Variants in MAGI3 observed in about 807,000 individuals in gnomAD.
MAGI3 encodes the protein membrane associated guanylate kinase, WW and PDZ domain containing 3, also known as membrane-associated guanylate kinase, WW and PDZ domain-containing protein 3.
Under a neutral mutation model 121.8 loss-of-function variants are expected in MAGI3, and 43 were observed. The ratio of observed to expected loss-of-function variants is 0.35; its 90% CI spans 0.28 to 0.46. The LOEUF (loss-of-function observed/expected upper bound fraction) is 0.46. MAGI3 is among the 20% of genes least tolerant of loss of function. MAGI3 has a pLI of 1.00. For synonymous variants in MAGI3, 553 were observed against 639.3 expected, an observed-to-expected ratio of 0.86 and a Z score of 2.04; for missense variants, 1,547 against 1,797.3, an observed-to-expected ratio of 0.86 and a Z score of 2.52.
rs1169539089 is a variant in MAGI3 at position 113,471,373 on chromosome 1, A to G, written c.317-78142A>G. ...TTAAACAACATACTCCTGAACAACCAGTGGGTCAATGGAGAAATCAAAATG... is the reference window on the plus strand; with the variant it reads ...TTAAACAACATACTCCTGAACAACCGGTGGGTCAATGGAGAAATCAAAATG... On this transcript the variant is annotated intron_variant, in intron 1 of 20. Coordinates refer to ENST00000307546, the MANE Select transcript of MAGI3 (RefSeq NM_001142782.2). 3.9e-5 allele frequency among the ~76,000 whole-genome samples: 6 copies of G among 152,346 alleles called. No individual in the cohort carries two copies. The East Asian group carries it at 1.2e-3, about 29-fold the overall frequency.
intron 1 of MAGI3, among the ~76,000 whole-genome samples, chr1:113,461,550 T>C (rs1655037283): frequency 1.3e-5 from 2 of 152,222 alleles, no homozygotes; most frequent in Non-Finnish European, 2.9e-5. Context: ...GATCCCTTCC[T>C]TGCACCATAT....
intron 1 of MAGI3, among the ~76,000 whole-genome samples, chr1:113,523,303 C>G (rs1232249520): frequency 6.6e-6 from 1 of 152,166 alleles, no homozygotes; most frequent in Non-Finnish European, 1.5e-5. Context: ...GATTGGGGCA[C>G]TGCTGAAAAG....
At chr1:113,582,433 T>C (rs1226071573) in intron 3 of MAGI3, among the ~76,000 whole-genome samples, 1 of 150,978 alleles carries the variant, frequency 6.6e-6, no homozygotes, top group East Asian at 1.9e-4. Flanking sequence ...AATGGACTGC[T>C]ATACAGCAGT....
intron 3 of MAGI3, among the ~76,000 whole-genome samples, chr1:113,584,207 A>T (rs982569524): frequency 6.6e-6 from 1 of 152,176 alleles, no homozygotes; most frequent in African/African-American, 2.4e-5. Flanking sequence ...AATCATATAT[A>T]TATTTCTCTA....
At chr1:113,464,301 C>T (rs775489619) in intron 1 of MAGI3, among the ~76,000 whole-genome samples, 3 of 152,094 alleles carry the variant, frequency 2.0e-5, no homozygotes, top group African/African-American at 7.2e-5. Flanking sequence ...CCTCCCGTTT[C>T]ATCCACATTG....
chr1:113,681,184 T>C lies in MAGI3; in HGVS notation c.3190-14T>C, dbSNP rs755592185. The C allele has an allele frequency of 3.1e-6, 5 of 1,609,200 alleles. No homozygotes were observed. In the African/African-American group the frequency reaches 5.4e-5, roughly 17 times the overall value. On this transcript the variant is annotated splice_polypyrimidine_tract_variant and intron_variant, in intron 19 of 20. Coordinates refer to ENST00000307546, the MANE Select transcript of MAGI3 (RefSeq NM_001142782.2). ...CATAGTTTCATGTTGTTCCTGTGAATGTTCTCTGTCTAGGTTGGTGACCAG... is the reference window on the plus strand; with the variant it reads ...CATAGTTTCATGTTGTTCCTGTGAACGTTCTCTGTCTAGGTTGGTGACCAG...
At chr1:113,611,244 G>A (rs1469451070) in intron 6 of MAGI3, among the ~76,000 whole-genome samples, 3 of 151,618 alleles carry the variant, frequency 2.0e-5, no homozygotes, top group Admixed American at 6.6e-5. Flanking sequence ...CTACCACCAC[G>A]CCCAGCTAAT....
At chr1:113,474,588 A>G (rs1392750472) in intron 1 of MAGI3, among the ~76,000 whole-genome samples, 1 of 151,950 alleles carries the variant, frequency 6.6e-6, no homozygotes, top group Non-Finnish European at 1.5e-5. Flanking sequence ...GTGTGGTGTT[A>G]TTTCTGAGGG....
chr1:113,643,461 C>G (rs986074193), intron 10 of MAGI3, among the ~76,000 whole-genome samples: 2 of 152,178 alleles, frequency 1.3e-5, no homozygotes, highest in Non-Finnish European at 2.9e-5. Flanking sequence ...CAATGTCACA[C>G]AGGTTTGATG....
intron 1 of MAGI3, chr1:113,450,318 C>T: frequency 6.6e-7 from 1 of 1,515,210 alleles, no homozygotes; most frequent in Non-Finnish European, 9.2e-7. Context: ...GCGGAGGAAA[C>T]TTTGGAGGTG....
At chr1:113,517,409 A>G (rs1397689713) in intron 1 of MAGI3, among the ~76,000 whole-genome samples, 1 of 151,850 alleles carries the variant, frequency 6.6e-6, no homozygotes, top group Admixed American at 6.6e-5. Context: ...GAAAATCACC[A>G]TTATAGTTAA....
Position 113,648,665 on chromosome 1 carries a change from A to T in MAGI3, c.2156-572A>T, listed in dbSNP as rs191212202. Among the ~76,000 whole-genome samples, 33 of 152,268 alleles carry T rather than the reference A, an allele frequency of 2.2e-4. No individual in the cohort carries two copies. The East Asian group carries it at 5.0e-3, about 23-fold the overall frequency. On this transcript the variant is annotated intron_variant, in intron 12 of 20. Coordinates refer to ENST00000307546, the MANE Select transcript of MAGI3 (RefSeq NM_001142782.2). Reference sequence around the variant, plus strand: ...CAATGGCCAACTTACTTACACCCTCAGTTTTCCCACCTAGAAAATGGGGCT... The same window carrying T: ...CAATGGCCAACTTACTTACACCCTCTGTTTTCCCACCTAGAAAATGGGGCT...
intron 8 of MAGI3, among the ~76,000 whole-genome samples, chr1:113,621,150 A>G (rs935914043): frequency 4.6e-5 from 7 of 152,200 alleles, no homozygotes; most frequent in African/African-American, 1.7e-4. Flanking sequence ...TAAAGGAGCA[A>G]GAAAGCATAC....
In MAGI3 at chr1:113,479,210, A is replaced by AGGT. The variant is rs547912464; in HGVS notation, c.317-70303_317-70301dup. Among the ~76,000 whole-genome samples, 337 of 152,300 alleles carry AGGT rather than the reference A, an allele frequency of 2.2e-3. 1 individual carries two copies. Among genetic ancestry groups the AGGT allele is most frequent in the Non-Finnish European group, 3.2e-3 (218 of 68,026 alleles). ...CCTGATCCCTTGCGCTTCCCAGGTG[A>AGGT]GGTGACGTCTCGCCCTCCTTTGGCT... On this transcript the variant is annotated intron_variant, in intron 1 of 20. Transcript: ENST00000307546.
chr1:113,565,974 G>A (rs1660420910), intron 2 of MAGI3, among the ~76,000 whole-genome samples: 1 of 152,048 alleles, frequency 6.6e-6, no homozygotes, highest in African/African-American at 2.4e-5. Context: ...ATGTCTCTAT[G>A]TCAAATTATT....
intron 6 of MAGI3, among the ~76,000 whole-genome samples, chr1:113,607,649 A>G (rs1649861181): frequency 6.6e-6 from 1 of 152,144 alleles, no homozygotes; most frequent in South Asian, 2.1e-4. Context: ...CTATTTTTGT[A>G]TATGTTTTAT....
At chr1:113,671,704 C>A (rs1647560782) in intron 16 of MAGI3, 30 bp from the exon 17 acceptor site, 1 of 1,606,234 alleles carries the variant, frequency 6.2e-7, no homozygotes, top group Non-Finnish European at 8.5e-7. Context: ...TGTACAAATT[C>A]TTATTTCTAT....
At chr1:113,622,498 ACT>A (rs1650889386) in intron 8 of MAGI3, among the ~76,000 whole-genome samples, 1 of 151,920 alleles carries the variant, frequency 6.6e-6, no homozygotes, top group Admixed American at 6.6e-5. Flanking sequence ...TTCTCAATAT[ACT>A]CTCTTTCATA....
chr1:113,670,916 CCTCT>C (rs1443014854), intron 16 of MAGI3, among the ~76,000 whole-genome samples: 3 of 152,162 alleles, frequency 2.0e-5, no homozygotes, highest in Non-Finnish European at 4.4e-5. Flanking sequence ...AGCTGTGCTC[CCTCT>C]GATACTTTAA....
Sources: allele counts gnomAD v4.1 joint callset (sites outside exome capture counted in the v4.1 genomes callset), GRCh38; gene constraint gnomAD v4.1.1; transcripts MANE v1.5; gene names NCBI Gene and HGNC (gene_info 2026-07-23, HGNC 2026-07-21).